Variants in NEDD4 observed in about 807,000 individuals in gnomAD.
NEDD4 encodes NEDD4 E3 ubiquitin protein ligase.
A neutral mutation model predicts 144.9 loss-of-function variants in NEDD4; 99 were observed. The observed-to-expected ratio is 0.68, with a 90% confidence interval of 0.58 to 0.81. The LOEUF (loss-of-function observed/expected upper bound fraction) is 0.81. NEDD4 is among the 30% of genes least tolerant of loss of function. The pLI, the probability that NEDD4 is intolerant of heterozygous loss-of-function variation, is 0.00. For missense variants in NEDD4, 985 were observed against 1,065.9 expected (o/e 0.92, Z 1.06); for synonymous variants, 318 against 350.6 (o/e 0.91, Z 1.04).
chr15:55,965,751 G>C (rs1188328180), intron 2 of NEDD4, among the ~76,000 whole-genome samples: 2 of 152,090 alleles, frequency 1.3e-5, no homozygotes, highest in African/African-American at 4.8e-5. Context: ...GCCCAGGCTA[G>C]AGTGCAGTGG....
chr15:55,910,219 T>G (rs1238330144), intron 5 of NEDD4, among the ~76,000 whole-genome samples: 3 of 152,214 alleles, frequency 2.0e-5, no homozygotes, highest in African/African-American at 7.2e-5. Context: ...GCTTATTTTA[T>G]GACATCGAGC....
Position 55,869,554 on chromosome 15 carries a change from T to G in NEDD4, c.507+25A>C, listed in dbSNP as rs754262310. ...ATAAGAAATTAAAATTTTTTTAGTT[T>G]AACCAAATATTTATAAAATCTCACC... is the stretch of plus-strand genomic sequence containing the variant. On this transcript the variant is annotated intron_variant, in intron 8 of 28. Coordinates refer to ENST00000435532, the MANE Select transcript of NEDD4 (RefSeq NM_006154.4). The G allele has an allele frequency of 1.7e-5, 25 of 1,435,874 alleles. No homozygotes were observed. The African/African-American group carries it at 3.2e-4, about 18-fold the overall frequency. The allele number at this position is 1,435,874 out of a possible 1,614,324, so 88.9% of individuals were successfully genotyped here.
At chr15:55,965,935 A>T (rs1399506265) in intron 2 of NEDD4, among the ~76,000 whole-genome samples, 2 of 152,102 alleles carry the variant, frequency 1.3e-5, no homozygotes, top group Non-Finnish European at 2.9e-5. Context: ...TACAGGCATG[A>T]GCCACCATGC....
intron 1 of NEDD4, among the ~76,000 whole-genome samples, chr15:55,973,803 A>G (rs540407082): frequency 1.2e-4 from 18 of 151,956 alleles, no homozygotes; most frequent in African/African-American, 3.4e-4. Context: ...GCTTATAGCT[A>G]TAAGTACCTA....
intron 9 of NEDD4, among the ~76,000 whole-genome samples, chr15:55,861,425 T>A (rs149444667): frequency 6.6e-6 from 1 of 152,240 alleles, no homozygotes; most frequent in East Asian, 1.9e-4. Context: ...ATTGGACGGT[T>A]AATGAGTATT....
intron 14 of NEDD4, 29 bp downstream of exon 14, chr15:55,850,513 A>C: frequency 6.2e-7 from 1 of 1,602,452 alleles, no homozygotes; most frequent in Non-Finnish European, 8.5e-7. Flanking sequence ...TTGTTGTTAT[A>C]AATTTAAATG....
At chr15:55,885,565 T>C (rs1265385010) in intron 5 of NEDD4, among the ~76,000 whole-genome samples, 1 of 152,192 alleles carries the variant, frequency 6.6e-6, no homozygotes, top group East Asian at 1.9e-4. Context: ...AGTTAGAGTT[T>C]TTATTAGTTT....
intron 4 of NEDD4, among the ~76,000 whole-genome samples, chr15:55,925,946 T>C (rs985257980): frequency 1.3e-5 from 2 of 151,988 alleles, no homozygotes; most frequent in Non-Finnish European, 2.9e-5. Flanking sequence ...TACATATACA[T>C]ACTGTATCAT....
At chr15:55,939,120 C>CAACAACAAACA (rs1555405992) in intron 4 of NEDD4, among the ~76,000 whole-genome samples, 2 of 150,876 alleles carry the variant, frequency 1.3e-5, no homozygotes, top group African/African-American at 2.4e-5. Context: ...ACAACAACAA[C>CAACAACAAACA]AACAAACAAA....
chr15:55,912,959 G>C (rs1233424260), intron 5 of NEDD4, among the ~76,000 whole-genome samples: 1 of 152,082 alleles, frequency 6.6e-6, no homozygotes, highest in Non-Finnish European at 1.5e-5. Context: ...AACACAGACA[G>C]TGTCCCAGAT....
rs142529928 is a variant in NEDD4 at position 55,858,599 on chromosome 15, G to A, written c.960+1808C>T. On this transcript the variant is annotated intron_variant, in intron 11 of 28. Transcript: ENST00000435532. ...TGGGATTACAGGCGTGAGCCACCAC[G>A]CCTGGCCTAATGTAGTTTAGGTCTT... Among the ~76,000 whole-genome samples the A allele has an allele frequency of 3.9e-5, 6 of 152,200 alleles. No homozygotes were observed. The East Asian group carries it at 5.8e-4, about 15-fold the overall frequency.
intron 5 of NEDD4, among the ~76,000 whole-genome samples, chr15:55,914,831 CATTCTAA>C (rs1469242994): frequency 6.6e-6 from 1 of 151,724 alleles, no homozygotes; most frequent in African/African-American, 2.4e-5. Flanking sequence ...TTTAAATAAG[CATTCTAA>C]ATTTTACTCT....
chr15:55,981,622 A>G (rs1264594227), intron 1 of NEDD4, among the ~76,000 whole-genome samples: 1 of 152,220 alleles, frequency 6.6e-6, no homozygotes, highest in Non-Finnish European at 1.5e-5. Context: ...GACAGTAATA[A>G]CCATAATAAA....
chr15:55,993,510 C>G lies in NEDD4; in HGVS notation c.45+1G>C. On this transcript the variant is annotated splice_donor_variant, in intron 1 of 28. Transcript: ENST00000435532. LOFTEE classifies it high-confidence loss of function. ...GCCCCGCAGCCCCGCGGTCCCCGCA[C>G]CTCGTCCTCCAGGAGCCCGAACACC... is the stretch of plus-strand genomic sequence containing the variant. 6.3e-7 allele frequency: 1 copy of G among 1,598,018 alleles called. No homozygotes were observed.
rs575151081 is a variant in NEDD4 at position 55,863,702 on chromosome 15, G to C, written c.508-623C>G. ...TAAACTACTAGTGTAATCTTAGGCT[G>C]TTCTCTAAATTATCAACTGAATGAA... On this transcript the variant is annotated intron_variant, in intron 8 of 28. Coordinates refer to ENST00000435532, the MANE Select transcript of NEDD4 (RefSeq NM_006154.4). Among the ~76,000 whole-genome samples, 5 of 152,294 alleles carry C rather than the reference G, an allele frequency of 3.3e-5. No individual in the cohort carries two copies. The East Asian group carries it at 5.8e-4, about 18-fold the overall frequency.
At chr15:55,895,476 A>G (rs1185720326) in intron 5 of NEDD4, among the ~76,000 whole-genome samples, 1 of 152,242 alleles carries the variant, frequency 6.6e-6, no homozygotes, top group Admixed American at 6.5e-5. Context: ...GATAAACAGG[A>G]AACTACTTTA....
intron 5 of NEDD4, among the ~76,000 whole-genome samples, chr15:55,901,533 CTTAA>C (rs1423001340): frequency 2.6e-5 from 4 of 152,112 alleles, no homozygotes; most frequent in African/African-American, 9.7e-5. Context: ...AGAATTGTGG[CTTAA>C]TTGTTAATAG....
chr15:55,876,883 T>C (rs1444302661), intron 5 of NEDD4, among the ~76,000 whole-genome samples: 2 of 152,066 alleles, frequency 1.3e-5, no homozygotes, highest in East Asian at 3.9e-4. Flanking sequence ...TTTCTTTTTT[T>C]TTAAAGAGAT....
Position 55,842,181 on chromosome 15 carries a change from A to G in NEDD4, c.1609-18T>C. On this transcript the variant is annotated intron_variant, in intron 18 of 28. Transcript: ENST00000435532. ...ATGTCATTCTGAAAATCCAGAGGAG[A>G]GACGTACTGTTTAAATCAGTTCAAC... 1 of 1,597,270 alleles carries G rather than the reference A, an allele frequency of 6.3e-7. No individual in the cohort carries two copies. Among genetic ancestry groups the G allele is most frequent in the Non-Finnish European group, 8.6e-7 (1 of 1,164,818 alleles).
Sources: gnomAD v4.1 joint callset for allele counts (sites outside exome capture counted in the v4.1 genomes callset) on GRCh38, gnomAD v4.1.1 for gene constraint, MANE v1.5 for transcripts, NCBI Gene and HGNC (gene_info 2026-07-23, HGNC 2026-07-21) for gene names.